Variants in SPATC1 observed in about 807,000 individuals in gnomAD.
SPATC1 encodes spermatogenesis and centriole associated 1.
SPATC1 carries 35 observed loss-of-function variants against 36.5 expected under a neutral mutation model. The observed-to-expected ratio is 0.96, with a 90% CI of 0.73 to 1.27. The LOEUF (loss-of-function observed/expected upper bound fraction) is 1.27. Among genes scored for constraint, SPATC1 ranks in the 50% most tolerant of loss-of-function variants. The probability of loss-of-function intolerance (pLI) is 0.00; values close to 1 mark genes in which losing one functional copy is unlikely to be tolerated. For synonymous variants in SPATC1, 361 were observed against 353.6 expected (o/e 1.02, Z -0.24); for missense variants, 779 against 796.0 (o/e 0.98, Z 0.26).
rs146402315 is a variant in SPATC1, at chr8:144,046,909, C to T, written c.1729C>T (p.Leu577Phe). The T allele has an allele frequency of 1.3e-4, 205 of 1,598,982 alleles. No homozygotes were observed. The African/African-American group carries it at 2.4e-3, about 19-fold the overall frequency. Residue 577 changes from leucine to phenylalanine, a missense_variant, in exon 5 of 5, where the codon CTC becomes TTC. Leu to Phe is a conservative substitution (Grantham distance 22). Transcript: ENST00000377470. This position sits in a 1 kb window ranked among gnomAD's most constrained non-coding sequence, Gnocchi z 6.6. ...CGACGCGCTGCTGCTGCTCTCCTGCCTCAGCCAGCTGGCGCACGATGACGG... is the reference window on the plus strand; with the variant it reads ...CGACGCGCTGCTGCTGCTCTCCTGCTTCAGCCAGCTGGCGCACGATGACGG... Reference protein sequence around the residue: ...LADALLLLSCLSQLAHDDGKP... With the variant: ...LADALLLLSCFSQLAHDDGKP...
chr8:144,027,672 G>A (rs1834712484), intron 1 of SPATC1, among the ~76,000 whole-genome samples: 1 of 152,122 alleles, frequency 6.6e-6, no homozygotes, highest in African/African-American at 2.4e-5. Flanking sequence ...TGGATATCCA[G>A]TTATACCAGC....
At position 144,046,541 on chromosome 8, in the gene SPATC1, C is replaced by A; in HGVS notation, c.1447-86C>A. On this transcript the variant is annotated intron_variant, in intron 4 of 4. Coordinates refer to ENST00000377470, the MANE Select transcript of SPATC1 (RefSeq NM_198572.3). This position sits in a 1 kb window ranked among gnomAD's most constrained non-coding sequence, Gnocchi z 6.6. ...CCCTCGGATCCTGGCCATCTCACAG[C>A]CTCACCTGCCCCTCGGTCTTCCCCT... The A allele has an allele frequency of 7.8e-7, 1 of 1,283,234 alleles. No individual in the cohort carries two copies. Among genetic ancestry groups the A allele is most frequent in the Non-Finnish European group, 1.1e-6 (1 of 920,966 alleles). The allele number at this position is 1,283,234 out of a possible 1,614,324, so 79.5% of individuals were successfully genotyped here.
intron 1 of SPATC1, among the ~76,000 whole-genome samples, chr8:144,029,304 C>A (rs1430772087): frequency 6.6e-6 from 1 of 150,884 alleles, no homozygotes; most frequent in African/African-American, 2.4e-5. Flanking sequence ...CGCGGTAGCT[C>A]ACGCCTGTAA....
At chr8:144,032,627 G>T (rs986035435) in intron 1 of SPATC1, among the ~76,000 whole-genome samples, 2 of 152,088 alleles carry the variant, frequency 1.3e-5, no homozygotes, top group African/African-American at 4.8e-5. Context: ...ATATTATAAC[G>T]TGGTGACTCT....
At chr8:144,044,840 T>C (rs1394474531) in intron 4 of SPATC1, among the ~76,000 whole-genome samples, 1 of 152,034 alleles carries the variant, frequency 6.6e-6, no homozygotes, top group African/African-American at 2.4e-5. Context: ...TCCCAGCTAC[T>C]TGGGAGGCTG....
Position 144,012,476 on chromosome 8 carries a change from T to C in SPATC1, c.-40T>C. On this transcript the variant is annotated 5_prime_UTR_variant, in exon 1 of 5. Coordinates refer to ENST00000377470, the MANE Select transcript of SPATC1 (RefSeq NM_198572.3). ...GGCCCTGGGCAGCCTCCAGGTGCAGTGCCCTCCCGTGGGCCGCACCCTTGC... is the reference window on the plus strand; with the variant it reads ...GGCCCTGGGCAGCCTCCAGGTGCAGCGCCCTCCCGTGGGCCGCACCCTTGC... 1 of 1,535,218 alleles carries C rather than the reference T, an allele frequency of 6.5e-7. No individual in the cohort carries two copies. The highest frequency in any genetic ancestry group is 8.8e-7 in the Non-Finnish European group (1 of 1,132,438).
rs1587480342 is a variant in SPATC1, at chr8:144,012,508, C to T, written c.-8C>T. 8.4e-6 allele frequency: 13 copies of T among 1,551,656 alleles called. No homozygotes were observed. Among genetic ancestry groups the T allele is most frequent in the Non-Finnish European group, 1.1e-5 (13 of 1,146,938 alleles). On this transcript the variant is annotated 5_prime_UTR_variant, in exon 1 of 5. Transcript: ENST00000377470. The stretch of plus-strand genomic sequence containing the variant: ...CCGTGGGCCGCACCCTTGCCACTGC[C>T]CCAGGGCATGTCTCTACTCACCAAT...
At chr8:144,034,579 C>G (rs1437864164) in intron 1 of SPATC1, among the ~76,000 whole-genome samples, 1 of 152,006 alleles carries the variant, frequency 6.6e-6, no homozygotes, top group African/African-American at 2.4e-5. Context: ...GAGTATTTAC[C>G]CACCTCTTTT....
intron 1 of SPATC1, among the ~76,000 whole-genome samples, chr8:144,019,214 G>A (rs1834454893): frequency 6.6e-6 from 1 of 152,208 alleles, no homozygotes; most frequent in Admixed American, 6.5e-5. Context: ...GGGCAGGCAT[G>A]GGGGAGGCAA....
chr8:144,021,217 AGACCGCCTTCCCTCAG>A, intron 1 of SPATC1, among the ~76,000 whole-genome samples: 1 of 2,434 alleles, frequency 4.1e-4, no homozygotes, highest in Middle Eastern at 0.25. Flanking sequence ...CCTCCCCTCA[AGACCGCCTTCCCTCAG>A]GACCCTCTCC....
At chr8:144,034,973 T>C (rs1834869388) in intron 1 of SPATC1, among the ~76,000 whole-genome samples, 1 of 152,230 alleles carries the variant, frequency 6.6e-6, no homozygotes, top group Non-Finnish European at 1.5e-5. Flanking sequence ...TTTTAATATT[T>C]ACTATAAGCA....
intron 1 of SPATC1, among the ~76,000 whole-genome samples, chr8:144,014,218 T>C (rs117948104): frequency 0.032 from 4,780 of 148,742 alleles, 98 homozygotes; most frequent in South Asian, 0.047. Context: ...GCCATTGCAC[T>C]GCAGCCTGGG....
Position 144,040,715 on chromosome 8 carries a change from A to T in SPATC1, c.914A>T (p.Asp305Val). 6.2e-7 allele frequency: 1 copy of T among 1,613,210 alleles called. No individual in the cohort carries two copies. The highest frequency in any genetic ancestry group is 1.1e-5 in the South Asian group (1 of 91,044). The change falls in exon 3 of 5, where the codon GAC (aspartate) becomes GTC (valine). Residue 305 changes from aspartate (D) to valine (V), a missense_variant. Coordinates refer to ENST00000377470, the MANE Select transcript of SPATC1 (RefSeq NM_198572.3). Reference sequence around the variant, plus strand: ...ACGGCCTTCTCCTTCAACACTTCGGACACACAGGCCCAGCCCAGTGCCGCC... The same window carrying T: ...ACGGCCTTCTCCTTCAACACTTCGGTCACACAGGCCCAGCCCAGTGCCGCC... The part of the protein sequence containing the change: ...PKTAFSFNTS[D>V]TQAQPSAAQE...
At chr8:144,042,312 T>TATATATATATATATATA (rs1491347915) in intron 4 of SPATC1, among the ~76,000 whole-genome samples, 9 of 35,086 alleles carry the variant, frequency 2.6e-4, no homozygotes, top group African/African-American at 1.1e-3. Context: ...TATATATATA[T>TATATATATATATATATA]TTTTTTTTTT....
Position 144,046,823 on chromosome 8 carries a change from C to A in SPATC1, c.1643C>A (p.Pro548His). ...RPELAASEGG[P>H]YTVDFLQRVV... ...GAGCTGGCGGCGTCTGAGGGCGGCCCCTACACCGTGGACTTCCTGCAGCGT... is the reference window on the plus strand; with the variant it reads ...GAGCTGGCGGCGTCTGAGGGCGGCCACTACACCGTGGACTTCCTGCAGCGT... Residue 548 changes from proline (P) to histidine (H), a missense_variant, in exon 5 of 5, where the codon CCC (proline) becomes CAC (histidine). By Grantham distance (77) the Pro-to-His change is moderately conservative. Transcript: ENST00000377470. The surrounding 1 kb of genome is among the most constrained non-coding windows in gnomAD (Gnocchi z 6.6). 1.2e-6 allele frequency: 2 copies of A among 1,604,312 alleles called. No individual in the cohort carries two copies. Among genetic ancestry groups the A allele is most frequent in the Non-Finnish European group, 1.7e-6 (2 of 1,179,900 alleles).
intron 1 of SPATC1, among the ~76,000 whole-genome samples, chr8:144,017,935 A>G (rs1048490333): frequency 6.6e-6 from 1 of 152,206 alleles, no homozygotes; most frequent in African/African-American, 2.4e-5. Flanking sequence ...AAGCAGTAGC[A>G]CTATGAGCCT....
intron 4 of SPATC1, among the ~76,000 whole-genome samples, chr8:144,043,844 C>G (rs1364867914): frequency 6.6e-6 from 1 of 152,210 alleles, no homozygotes; most frequent in East Asian, 1.9e-4. Flanking sequence ...TGGAGCCCGT[C>G]CGTGGCAGTG....
At position 144,046,869 on chromosome 8, in the gene SPATC1, C is replaced by T. The variant is rs373743626; in HGVS notation, c.1689C>T (p.His563=). ...AGCGTGTGGTGGTGGAGACCGTGCACCCCGGCATGCTCGCCGACGCGCTGC... is the reference window on the plus strand; with the variant it reads ...AGCGTGTGGTGGTGGAGACCGTGCATCCCGGCATGCTCGCCGACGCGCTGC... The part of the protein sequence containing the change: ...FLQRVVVETV[H]PGMLADALLL... Residue 563 remains histidine (H), a synonymous_variant, in exon 5 of 5, where the codon CAC becomes CAT. Transcript: ENST00000377470. The surrounding 1 kb of genome is among the most constrained non-coding windows in gnomAD (Gnocchi z 6.6). The T allele has an allele frequency of 1.9e-6, 3 of 1,600,834 alleles. No individual in the cohort carries two copies. Among genetic ancestry groups the T allele is most frequent in the East Asian group, 2.2e-5 (1 of 44,882 alleles).
chr8:144,038,363 G>T (rs1834970513), intron 1 of SPATC1, among the ~76,000 whole-genome samples: 2 of 149,578 alleles, frequency 1.3e-5, no homozygotes, highest in Non-Finnish European at 1.5e-5. Flanking sequence ...AACCCGGGAG[G>T]CAGAGGTTGC....
Sources: allele counts gnomAD v4.1 joint callset (sites outside exome capture counted in the v4.1 genomes callset), GRCh38; gene constraint gnomAD v4.1.1; non-coding constraint Gnocchi (gnomAD v3.1); transcripts MANE v1.5; gene names NCBI Gene and HGNC (gene_info 2026-07-23, HGNC 2026-07-21).